CFAP95: variants seen among roughly 807,000 people sequenced by gnomAD.
CFAP95 encodes the protein cilia- and flagella-associated protein 95.
chr9:69,837,192 C>T, the CFAP95 span, among the ~76,000 whole-genome samples: 1 of 152,122 alleles, frequency 6.6e-6, no homozygotes, highest in South Asian at 2.1e-4. Flanking sequence ...AATAAATATA[C>T]GTGTGCATGT....
At chr9:69,832,226 A>G in the CFAP95 span, among the ~76,000 whole-genome samples, 1 of 152,210 alleles carries the variant, frequency 6.6e-6, no homozygotes, top group East Asian at 1.9e-4. Context: ...AGGTTAGGAT[A>G]TTGTGATATC....
the CFAP95 span, among the ~76,000 whole-genome samples, chr9:69,829,900 C>T: frequency 6.6e-6 from 1 of 152,170 alleles, no homozygotes; most frequent in Non-Finnish European, 1.5e-5. Context: ...TCTGTGTGTA[C>T]TGGTCAGAGC....
chr9:69,882,984 C>T, the CFAP95 span, among the ~76,000 whole-genome samples: 1 of 152,060 alleles, frequency 6.6e-6, no homozygotes, highest in Non-Finnish European at 1.5e-5. Flanking sequence ...GGAAGTATAC[C>T]TTCTGCCTCT....
At chr9:69,899,399 G>A in the CFAP95 span, among the ~76,000 whole-genome samples, 1 of 152,214 alleles carries the variant, frequency 6.6e-6, no homozygotes, top group Non-Finnish European at 1.5e-5. Flanking sequence ...GAAAACATAA[G>A]TTCTTCAATC....
the CFAP95 span, among the ~76,000 whole-genome samples, chr9:69,831,093 T>C: frequency 6.6e-3 from 1,003 of 152,314 alleles, 8 homozygotes; most frequent in African/African-American, 0.023. Context: ...TGTGATGCAT[T>C]AACAAAGAGA....
At chr9:69,900,340 G>C in the CFAP95 span, among the ~76,000 whole-genome samples, 1 of 152,136 alleles carries the variant, frequency 6.6e-6, no homozygotes, top group East Asian at 1.9e-4. Context: ...CCCTACAATG[G>C]CATCCAGATA....
the CFAP95 span, among the ~76,000 whole-genome samples, chr9:69,875,749 C>T: frequency 6.6e-6 from 1 of 152,208 alleles, no homozygotes; most frequent in Non-Finnish European, 1.5e-5. Flanking sequence ...ATCTAAAATA[C>T]TCTTCAAACA....
the CFAP95 span, among the ~76,000 whole-genome samples, chr9:69,841,965 C>A: frequency 2.0e-5 from 3 of 152,168 alleles, no homozygotes; most frequent in Non-Finnish European, 2.9e-5. Context: ...GGGGACATAG[C>A]CAAACCATAT....
the CFAP95 span, among the ~76,000 whole-genome samples, chr9:69,880,075 A>G: frequency 1.3e-5 from 2 of 152,166 alleles, no homozygotes; most frequent in African/African-American, 2.4e-5. Context: ...CATGCAATGC[A>G]TAATAATCAC....
chr9:69,835,800 G>A, the CFAP95 span, among the ~76,000 whole-genome samples: 3 of 152,180 alleles, frequency 2.0e-5, no homozygotes, highest in Admixed American at 6.5e-5. Context: ...GTGCGGCAGT[G>A]ACAAAGATGC....
the CFAP95 span, among the ~76,000 whole-genome samples, chr9:69,845,990 C>A: frequency 6.6e-6 from 1 of 152,210 alleles, no homozygotes; most frequent in Non-Finnish European, 1.5e-5. Context: ...CATTCCCCCA[C>A]AAACACAGCT....
At chr9:69,827,150 A>G in the CFAP95 span, among the ~76,000 whole-genome samples, 4 of 152,322 alleles carry the variant, frequency 2.6e-5, no homozygotes, top group African/African-American at 9.6e-5. Flanking sequence ...GATGGGTATT[A>G]ATGAGGTTTT....
chr9:69,866,582 C>T, the CFAP95 span, among the ~76,000 whole-genome samples: 1 of 152,168 alleles, frequency 6.6e-6, no homozygotes, highest in African/African-American at 2.4e-5. Flanking sequence ...ATGATGCCTA[C>T]CTACACTGGT....
chr9:69,840,375 C>A, the CFAP95 span, among the ~76,000 whole-genome samples: 2 of 152,128 alleles, frequency 1.3e-5, no homozygotes, highest in Admixed American at 6.5e-5. Context: ...TTAGTTTTGA[C>A]AAAGTGTTTA....
At chr9:69,824,022 AGAGGCCTGACAG>A in the CFAP95 span, among the ~76,000 whole-genome samples, 4 of 152,206 alleles carry the variant, frequency 2.6e-5, no homozygotes, top group South Asian at 8.3e-4. Flanking sequence ...GTTTGGGCTC[AGAGGCCTGACAG>A]TTAGTTATAT....
the CFAP95 span, chr9:69,902,150 C>G: frequency 3.0e-6 from 1 of 335,484 alleles, no homozygotes; most frequent in African/African-American, 2.2e-5. Flanking sequence ...GTCAAAGGGA[C>G]TTTGCCTGAT....
the CFAP95 span, among the ~76,000 whole-genome samples, chr9:69,844,093 C>T: frequency 1.2e-4 from 19 of 152,180 alleles, no homozygotes; most frequent in South Asian, 3.7e-3. Context: ...TCAATATGGG[C>T]AAATACTTTG....
At chr9:69,825,593 C>T in the CFAP95 span, among the ~76,000 whole-genome samples, 1 of 152,082 alleles carries the variant, frequency 6.6e-6, no homozygotes, top group Non-Finnish European at 1.5e-5. Flanking sequence ...ATTATTTTAC[C>T]CCACTTATTC....
the CFAP95 span, among the ~76,000 whole-genome samples, chr9:69,861,730 CAAAAA>C: frequency 1.8e-4 from 16 of 86,848 alleles, no homozygotes; most frequent in African/African-American, 6.3e-4. Flanking sequence ...TCTTATGAGT[CAAAAA>C]AAAAAAAAAA....
Sources: gnomAD v4.1 joint callset for allele counts (sites outside exome capture counted in the v4.1 genomes callset) on GRCh38, gnomAD v4.1.1 for gene constraint, MANE v1.5 for transcripts, NCBI Gene and HGNC (gene_info 2026-07-23, HGNC 2026-07-21) for gene names.